The following MITF variants were observed in gnomAD, a reference collection of about 807,000 sequenced individuals.
MITF encodes melanocyte inducing transcription factor.
MITF carries 17 observed loss-of-function variants against 60.5 expected under a neutral mutation model. That is an observed-to-expected ratio of 0.28 (90% CI 0.19 to 0.42). MITF has a LOEUF of 0.42. Ranked by LOEUF, MITF falls within the 10% of genes least tolerant of loss-of-function variation. MITF has a pLI of 1.00. For synonymous variants in MITF, 260 were observed against 248.5 expected (o/e 1.05, Z -0.43); for missense variants, 622 against 683.5 (o/e 0.91, Z 1.00).
At chr3:69,775,469 T>A (rs1411979171) in intron 1 of MITF, among the ~76,000 whole-genome samples, 2 of 152,226 alleles carry the variant, frequency 1.3e-5, no homozygotes, top group Admixed American at 1.3e-4. Context: ...TGTGGCCTTC[T>A]GGAATTTTAT....
chr3:69,778,495 G>T (rs756660666), intron 1 of MITF, among the ~76,000 whole-genome samples: 1 of 152,142 alleles, frequency 6.6e-6, no homozygotes, highest in Admixed American at 6.5e-5. Context: ...CCGTTGTTTA[G>T]TGGCTCCATG....
At chr3:69,833,155 T>C (rs575246855) in intron 1 of MITF, among the ~76,000 whole-genome samples, 1 of 150,994 alleles carries the variant, frequency 6.6e-6, no homozygotes, top group East Asian at 2.0e-4. Flanking sequence ...CCTGTTCACA[T>C]TGTATGTGGT....
intron 5 of MITF, among the ~76,000 whole-genome samples, chr3:69,943,588 T>C (rs573816847): frequency 1.1e-4 from 17 of 152,310 alleles, no homozygotes; most frequent in African/African-American, 3.8e-4. Flanking sequence ...TTGATAGTAT[T>C]TGTTTATTCA....
At chr3:69,890,182 T>C (rs1032614468) in intron 2 of MITF, among the ~76,000 whole-genome samples, 3 of 152,146 alleles carry the variant, frequency 2.0e-5, no homozygotes, top group Non-Finnish European at 4.4e-5. Context: ...AGCTGACATA[T>C]CTTATGTATG....
intron 2 of MITF, among the ~76,000 whole-genome samples, chr3:69,932,523 G>T (rs752334258): frequency 4.0e-4 from 61 of 152,128 alleles, no homozygotes; most frequent in Non-Finnish European, 7.9e-4. Flanking sequence ...TAGCCATTTC[G>T]AACCTTTCTT....
At position 69,961,246 on chromosome 3, in the gene MITF, G is replaced by A. The variant is rs1219973513; in HGVS notation, c.1179+1826G>A. Among the ~76,000 whole-genome samples, 3 of 151,994 alleles carry A rather than the reference G, an allele frequency of 2.0e-5. No individual in the cohort carries two copies. The East Asian group carries it at 5.8e-4, about 30-fold the overall frequency. On this transcript the variant is annotated intron_variant, in intron 9 of 9. Transcript: ENST00000352241. ...AAAAATAGAAAAATTAGCTGGGCAT[G>A]GTGGCGGGCGCCTGTAATCCCAGCT...
intron 2 of MITF, among the ~76,000 whole-genome samples, chr3:69,889,389 C>T (rs553582075): frequency 1.1e-4 from 16 of 149,738 alleles, no homozygotes; most frequent in Admixed American, 6.0e-4. Flanking sequence ...GGAGTTTTTG[C>T]GAGAGTTAAA....
chr3:69,933,232 A>C (rs2065761781), intron 2 of MITF, among the ~76,000 whole-genome samples: 1 of 150,964 alleles, frequency 6.6e-6, no homozygotes, highest in African/African-American at 2.4e-5. Flanking sequence ...AAGGATTAAG[A>C]AAATCTACAC....
At chr3:69,763,953 T>C (rs779765897) in intron 1 of MITF, 1 of 1,349,452 alleles carries the variant, frequency 7.4e-7, no homozygotes. Context: ...GTAATACAGA[T>C]GATAACCAAA....
rs561819318 is a variant in MITF at position 69,965,823 on chromosome 3, A to G, written c.*575A>G. On this transcript the variant is annotated 3_prime_UTR_variant, in exon 10 of 10. Transcript: ENST00000352241. ...TATGTATTCTGTAAAAGAAAAAAAA[A>G]ATGCGGCCTTTTCATGAGGATCGTC... The G allele has an allele frequency of 4.3e-6, 1 of 231,116 alleles. No homozygotes were observed. The highest frequency in any genetic ancestry group is 6.2e-5 in the East Asian group (1 of 16,152). The allele number at this position is 231,116 out of a possible 1,614,324, so 14.3% of individuals were successfully genotyped here. A position where few individuals can be genotyped will look rare whatever the true frequency, so the allele number is the denominator to read the frequency against.
chr3:69,927,357 C>T (rs919678128), intron 2 of MITF, among the ~76,000 whole-genome samples: 2 of 151,956 alleles, frequency 1.3e-5, no homozygotes, highest in East Asian at 1.9e-4. Flanking sequence ...CATCACACAC[C>T]GGAGCCTGTT....
At chr3:69,936,308 A>C (rs2065833311) in intron 2 of MITF, among the ~76,000 whole-genome samples, 1 of 152,212 alleles carries the variant, frequency 6.6e-6, no homozygotes, top group African/African-American at 2.4e-5. Flanking sequence ...CTATTGCTGA[A>C]AGAGAAATAC....
At chr3:69,963,826 T>C (rs1230065988) in intron 9 of MITF, among the ~76,000 whole-genome samples, 1 of 152,182 alleles carries the variant, frequency 6.6e-6, no homozygotes, top group African/African-American at 2.4e-5. Context: ...TCAGGTAGTA[T>C]TGCCATTGCC....
intron 1 of MITF, among the ~76,000 whole-genome samples, chr3:69,763,062 G>A (rs2062234999): frequency 2.0e-5 from 3 of 152,088 alleles, no homozygotes; most frequent in Non-Finnish European, 4.4e-5. Flanking sequence ...CAGAACAGGG[G>A]GCATAAACAG....
At position 69,739,994 on chromosome 3, in the gene MITF, G is replaced by C. The variant is rs1041244273; in HGVS notation, c.104+293G>C. ...GGATGCCAGCTGCTGAGACTGATTG[G>C]GGGCTGGGGAGCGACCTGGCGCGAT... On this transcript the variant is annotated intron_variant, in intron 1 of 9. Transcript: ENST00000352241. Among the ~76,000 whole-genome samples the C allele has an allele frequency of 2.0e-5, 3 of 152,254 alleles. No individual in the cohort carries two copies. In the South Asian group the frequency reaches 6.2e-4, roughly 32 times the overall value.
intron 1 of MITF, among the ~76,000 whole-genome samples, chr3:69,759,283 A>G (rs1024758357): frequency 2.0e-5 from 3 of 152,224 alleles, no homozygotes; most frequent in Admixed American, 1.3e-4. Context: ...TGACTGACTT[A>G]GGAACACTAG....
intron 2 of MITF, among the ~76,000 whole-genome samples, chr3:69,923,498 C>T (rs1464418277): frequency 6.6e-6 from 1 of 152,180 alleles, no homozygotes; most frequent in Non-Finnish European, 1.5e-5. Flanking sequence ...GCACACACCA[C>T]CACACCAGGC....
intron 1 of MITF, among the ~76,000 whole-genome samples, chr3:69,840,751 TTC>T (rs2063621233): frequency 6.6e-6 from 1 of 151,712 alleles, no homozygotes; most frequent in African/African-American, 2.4e-5. Flanking sequence ...AACTGTTTTT[TTC>T]TCTTTTTTTT....
intron 1 of MITF, among the ~76,000 whole-genome samples, chr3:69,816,622 C>T (rs1452023677): frequency 6.6e-6 from 1 of 152,140 alleles, no homozygotes; most frequent in African/African-American, 2.4e-5. Context: ...ATTTGGTTCC[C>T]AGCATTTGCT....
Sources: gnomAD v4.1 joint callset for allele counts (sites outside exome capture counted in the v4.1 genomes callset) on GRCh38, gnomAD v4.1.1 for gene constraint, MANE v1.5 for transcripts, NCBI Gene and HGNC (gene_info 2026-07-23, HGNC 2026-07-21) for gene names.